Variants in AMPH observed in about 807,000 individuals in gnomAD.
AMPH encodes amphiphysin (Stiff-Mann syndrome with breast cancer 128kD autoantigen).
In AMPH, 49 loss-of-function variants were observed where a neutral mutation model predicts 99.1. The ratio of observed to expected loss-of-function variants is 0.49; its 90% CI spans 0.39 to 0.63. The LOEUF (loss-of-function observed/expected upper bound fraction) is 0.63. Among genes scored for constraint, AMPH ranks in the 20% least tolerant of loss-of-function variants. The pLI is 0.00. For missense variants in AMPH, 759 were observed against 863.4 expected (o/e 0.88, Z 1.52); for synonymous variants, 314 against 317.3 (o/e 0.99, Z 0.11).
At chr7:38,412,060 C>A (rs1785232152) in intron 17 of AMPH, among the ~76,000 whole-genome samples, 1 of 152,064 alleles carries the variant, frequency 6.6e-6, no homozygotes, top group Non-Finnish European at 1.5e-5. Flanking sequence ...AGCACATTGG[C>A]AGGTACCAAG....
At chr7:38,492,485 C>T (rs1399585560) in intron 4 of AMPH, among the ~76,000 whole-genome samples, 2 of 152,186 alleles carry the variant, frequency 1.3e-5, no homozygotes, top group Admixed American at 1.3e-4. Context: ...AAAACACACA[C>T]ACACACTTTT....
chr7:38,480,646 T>C (rs1197726082), intron 5 of AMPH, among the ~76,000 whole-genome samples: 2 of 152,146 alleles, frequency 1.3e-5, no homozygotes, highest in African/African-American at 2.4e-5. Context: ...AGCATGGAGA[T>C]ACACACCCAG....
chr7:38,422,283 C>T (rs1468926266), intron 16 of AMPH, 138 bp downstream of exon 16: 5 of 698,764 alleles, frequency 7.2e-6, no homozygotes, highest in African/African-American at 1.8e-5. Flanking sequence ...GACACATTCT[C>T]TCCTGTTTTC....
chr7:38,447,025 T>TG (rs1473910006), intron 11 of AMPH, among the ~76,000 whole-genome samples: 7 of 150,342 alleles, frequency 4.7e-5, no homozygotes, highest in African/African-American at 1.7e-4. Flanking sequence ...TATTTTTTTT[T>TG]TTTGTTTGTT....
intron 1 of AMPH, among the ~76,000 whole-genome samples, chr7:38,617,448 T>C (rs1793914493): frequency 6.6e-6 from 1 of 152,238 alleles, no homozygotes; most frequent in African/African-American, 2.4e-5. Context: ...ATTTTAGAGA[T>C]GTGTGACAAG....
intron 3 of AMPH, among the ~76,000 whole-genome samples, chr7:38,499,762 G>C (rs1464554949): frequency 6.6e-6 from 1 of 152,166 alleles, no homozygotes; most frequent in Non-Finnish European, 1.5e-5. Flanking sequence ...ATCTTGAACT[G>C]TAATAATCTC....
intron 1 of AMPH, among the ~76,000 whole-genome samples, chr7:38,581,249 G>C (rs1792446834): frequency 1.3e-5 from 2 of 152,170 alleles, no homozygotes; most frequent in African/African-American, 4.8e-5. Flanking sequence ...CAGGAAAGGG[G>C]GGAAAGAGTG....
At chr7:38,538,457 G>A (rs987477738) in intron 1 of AMPH, among the ~76,000 whole-genome samples, 1 of 152,148 alleles carries the variant, frequency 6.6e-6, no homozygotes, top group African/African-American at 2.4e-5. Context: ...GACAAGGGTG[G>A]CATGATAGGC....
rs1174244905 is a variant in AMPH, at chr7:38,503,501, G to C, written c.205+149C>G. 26 of 540,294 alleles carry C rather than the reference G, an allele frequency of 4.8e-5. 1 individual carries two copies. Among genetic ancestry groups the C allele is most frequent in the Admixed American group, 1.3e-4 (4 of 29,994 alleles). The allele number at this position is 540,294 out of a possible 1,614,324, so 33.5% of individuals were successfully genotyped here. On this transcript the variant is annotated intron_variant, in intron 3 of 20. Transcript: ENST00000356264. Reference sequence around the variant, plus strand: ...TTTCAATGGGAATTTGGGGCGGGGGGGTGGGTGGTGGAATGGAACACCTGT... The same window carrying C: ...TTTCAATGGGAATTTGGGGCGGGGGCGTGGGTGGTGGAATGGAACACCTGT...
chr7:38,461,878 G>A (rs1787462342), intron 10 of AMPH, among the ~76,000 whole-genome samples: 1 of 152,188 alleles, frequency 6.6e-6, no homozygotes, highest in African/African-American at 2.4e-5. Flanking sequence ...AACTTTAAAG[G>A]TCTGTTTAAT....
chr7:38,431,069 A>G (rs893746567), intron 13 of AMPH, among the ~76,000 whole-genome samples: 5 of 152,228 alleles, frequency 3.3e-5, no homozygotes, highest in African/African-American at 1.2e-4. Flanking sequence ...ACCCTGCTCC[A>G]AGGGATATGA....
chr7:38,612,488 C>T (rs10464364), intron 1 of AMPH, among the ~76,000 whole-genome samples: 121,952 of 152,152 alleles, frequency 0.8, 49,968 homozygotes, highest in African/African-American at 0.87. Flanking sequence ...ACCCACATAA[C>T]ACAGTCCTTT....
intron 17 of AMPH, among the ~76,000 whole-genome samples, chr7:38,406,194 C>A (rs1385243763): frequency 2.0e-5 from 3 of 151,980 alleles, no homozygotes; most frequent in Non-Finnish European, 4.4e-5. Flanking sequence ...CATATCAAAA[C>A]TTCTGGGATA....
intron 1 of AMPH, among the ~76,000 whole-genome samples, chr7:38,574,352 C>T (rs76756839): frequency 0.028 from 4,327 of 152,294 alleles, 83 homozygotes; most frequent in Middle Eastern, 0.088. Flanking sequence ...GGCATCTGGC[C>T]GGCAGACCAT....
intron 17 of AMPH, among the ~76,000 whole-genome samples, chr7:38,401,582 T>C (rs1784841608): frequency 6.6e-6 from 1 of 152,236 alleles, no homozygotes; most frequent in Non-Finnish European, 1.5e-5. Flanking sequence ...AATTACTGTA[T>C]TGTGTTTCTT....
chr7:38,414,200 T>C (rs1785298714), intron 17 of AMPH, among the ~76,000 whole-genome samples: 1 of 152,246 alleles, frequency 6.6e-6, no homozygotes, highest in African/African-American at 2.4e-5. Context: ...GATATGTATA[T>C]ATTTGTTGGT....
intron 5 of AMPH, among the ~76,000 whole-genome samples, chr7:38,485,060 A>G (rs545401381): frequency 6.6e-6 from 1 of 152,136 alleles, no homozygotes; most frequent in South Asian, 2.1e-4. Flanking sequence ...AGAGGAAAAG[A>G]GGAACAAATG....
chr7:38,411,555 A>C lies in AMPH; in HGVS notation c.1398+6270T>G, dbSNP rs189226538. On this transcript the variant is annotated intron_variant, in intron 17 of 20. Transcript: ENST00000356264. ...ACAGAACAGGAACAGGCAAGAAGTG[A>C]ATGAGAACTCAGCACACATGGTCTA... is the stretch of plus-strand genomic sequence containing the variant. 2.6e-5 allele frequency among the ~76,000 whole-genome samples: 4 copies of C among 152,322 alleles called. No individual in the cohort carries two copies. The East Asian group carries it at 7.7e-4, about 29-fold the overall frequency.
chr7:38,486,121 G>A (rs1788481396), intron 5 of AMPH, among the ~76,000 whole-genome samples: 1 of 146,378 alleles, frequency 6.8e-6, no homozygotes, highest in Admixed American at 6.8e-5. Flanking sequence ...GTGAAATAAA[G>A]ATTAGAAAAA....
Sources: gnomAD v4.1 joint callset for allele counts (sites outside exome capture counted in the v4.1 genomes callset) on GRCh38, gnomAD v4.1.1 for gene constraint, MANE v1.5 for transcripts, NCBI Gene and HGNC (gene_info 2026-07-23, HGNC 2026-07-21) for gene names.